Variants in RAB1A observed in about 807,000 individuals in gnomAD.
RAB1A encodes the protein RAB1A, member RAS oncogene family.
Under a neutral mutation model 26.0 loss-of-function variants are expected in RAB1A, and 2 were observed. The ratio of observed to expected loss-of-function variants is 0.08; its 90% CI spans 0.03 to 0.24. RAB1A has a LOEUF of 0.24. Among genes scored for constraint, RAB1A ranks in the 10% least tolerant of loss-of-function variants. The pLI, the probability that RAB1A is intolerant of heterozygous loss-of-function variation, is 1.00. For synonymous variants in RAB1A, 84 were observed against 84.9 expected, an observed-to-expected ratio of 0.99 and a Z score of 0.06; for missense variants, 100 against 247.0, an observed-to-expected ratio of 0.40 and a Z score of 3.99.
chr2:65,087,740 G>A lies in RAB1A; in HGVS notation c.*753C>T, dbSNP rs1669068518. On this transcript the variant is annotated 3_prime_UTR_variant, in exon 6 of 6. Coordinates refer to ENST00000409784, the MANE Select transcript of RAB1A (RefSeq NM_004161.5). Reference sequence around the variant, plus strand: ...CATATTATCTAGAAAGCAAATACTGGATGCTGCTCTAAGATAGGTCTAGAA... The same window carrying A: ...CATATTATCTAGAAAGCAAATACTGAATGCTGCTCTAAGATAGGTCTAGAA... The A allele has an allele frequency of 6.6e-6, 1 of 152,630 alleles. No homozygotes were observed. Among genetic ancestry groups the A allele is most frequent in the African/African-American group, 2.4e-5 (1 of 41,430 alleles). The allele number at this position is 152,630 out of a possible 1,614,324, so 9.5% of individuals were successfully genotyped here. A position where few individuals can be genotyped will look rare whatever the true frequency, so the allele number is the denominator to read the frequency against.
intron 1 of RAB1A, among the ~76,000 whole-genome samples, chr2:65,123,774 C>G (rs923386174): frequency 6.6e-6 from 1 of 151,328 alleles, no homozygotes; most frequent in Non-Finnish European, 1.5e-5. Context: ...TGCAGTGAGC[C>G]GAGATCACGC....
intron 3 of RAB1A, among the ~76,000 whole-genome samples, chr2:65,093,849 C>T (rs1669224997): frequency 6.6e-6 from 1 of 152,030 alleles, no homozygotes; most frequent in Non-Finnish European, 1.5e-5. Context: ...GTCACGAACT[C>T]CTGACCTTGT....
intron 2 of RAB1A, 58 bp from the exon 3 acceptor site, chr2:65,098,124 T>G: frequency 1.0e-6 from 1 of 1,000,878 alleles, no homozygotes; most frequent in Non-Finnish European, 1.4e-6. Context: ...GATGCAAGTC[T>G]AAGTGGAAAA....
At chr2:65,117,905 G>A (rs1669862523) in intron 1 of RAB1A, among the ~76,000 whole-genome samples, 1 of 152,162 alleles carries the variant, frequency 6.6e-6, no homozygotes, top group African/African-American at 2.4e-5. Context: ...AGCACATGTA[G>A]TAAAGCAGAA....
chr2:65,097,992 C>G lies in RAB1A; in HGVS notation c.171G>C (p.Gly57=). 6.4e-7 allele frequency: 1 copy of G among 1,570,452 alleles called. No homozygotes were observed. Among genetic ancestry groups the G allele is most frequent in the South Asian group, 1.2e-5 (1 of 85,034 alleles). Residue 57 remains glycine, a synonymous_variant, in exon 3 of 6, where the codon GGG becomes GGC. Coordinates refer to ENST00000409784, the MANE Select transcript of RAB1A (RefSeq NM_004161.5). The part of the protein sequence containing the change: ...DFKIRTIELD[G]KTIKLQIWDT... ...TTACTATTTGAAGCTTGATTGTTTT[C>G]CCGTCTAACTCTATAGTTCTTATTT...
chr2:65,096,893 C>A (rs181538737), intron 3 of RAB1A, among the ~76,000 whole-genome samples: 3 of 152,330 alleles, frequency 2.0e-5, no homozygotes, highest in African/African-American at 7.2e-5. Flanking sequence ...AGGGCTTTCA[C>A]ACGTATTGTC....
chr2:65,098,142 CT>C, intron 2 of RAB1A, 76 bp from the exon 3 acceptor site: 1 of 796,246 alleles, frequency 1.3e-6, no homozygotes, highest in Non-Finnish European at 1.9e-6. Context: ...AAAAAAAAAA[CT>C]GTTGTTCAAG....
chr2:65,112,613 ATATTT>A (rs1669725917), intron 1 of RAB1A, among the ~76,000 whole-genome samples: 3 of 152,154 alleles, frequency 2.0e-5, no homozygotes, highest in East Asian at 1.9e-4. Context: ...CTACGAGCAG[ATATTT>A]TATTTTAATT....
chr2:65,093,996 G>T (rs1481455156), intron 3 of RAB1A, among the ~76,000 whole-genome samples: 2 of 150,746 alleles, frequency 1.3e-5, no homozygotes, highest in Non-Finnish European at 3.0e-5. Flanking sequence ...TTGAAACAAG[G>T]TCTCGCTCTG....
intron 2 of RAB1A, among the ~76,000 whole-genome samples, chr2:65,101,829 A>C (rs1188117529): frequency 1.4e-5 from 2 of 142,328 alleles, no homozygotes; most frequent in Non-Finnish European, 3.0e-5. Flanking sequence ...GACTCACCAC[A>C]ACCTCCGCCT....
Position 65,088,254 on chromosome 2 carries a change from A to G in RAB1A, c.*239T>C. 1 of 432,146 alleles carries G rather than the reference A, an allele frequency of 2.3e-6. No individual in the cohort carries two copies. Among genetic ancestry groups the G allele is most frequent in the Non-Finnish European group, 4.1e-6 (1 of 245,014 alleles). 26.8% of individuals were successfully genotyped at this position (432,146 alleles called of 1,614,324 possible). On this transcript the variant is annotated 3_prime_UTR_variant, in exon 6 of 6. Transcript: ENST00000409784. Reference sequence around the variant, plus strand: ...ATCAGGAAAGCAACAAGGATTACACACATTATTTTATAAACCAGCACACAA... The same window carrying G: ...ATCAGGAAAGCAACAAGGATTACACGCATTATTTTATAAACCAGCACACAA...
At chr2:65,124,526 C>G (rs1328924911) in intron 1 of RAB1A, among the ~76,000 whole-genome samples, 1 of 152,204 alleles carries the variant, frequency 6.6e-6, no homozygotes, top group East Asian at 1.9e-4. Context: ...CAGCTCACTG[C>G]AATGCCCACC....
intron 3 of RAB1A, among the ~76,000 whole-genome samples, chr2:65,091,684 C>CT (rs1364693400): frequency 2.6e-5 from 4 of 152,106 alleles, no homozygotes; most frequent in Non-Finnish European, 4.4e-5. Flanking sequence ...TGCCACCACA[C>CT]CCGGCTAATT....
chr2:65,102,858 G>T (rs547903170), intron 2 of RAB1A, among the ~76,000 whole-genome samples: 2 of 151,856 alleles, frequency 1.3e-5, no homozygotes, highest in South Asian at 4.2e-4. Flanking sequence ...CCCGAGAAGC[G>T]GAGGTTGCAG....
intron 4 of RAB1A, among the ~76,000 whole-genome samples, chr2:65,089,899 T>C (rs1669131088): frequency 6.6e-6 from 1 of 152,128 alleles, no homozygotes; most frequent in African/African-American, 2.4e-5. Flanking sequence ...GATGGGATTT[T>C]GCCATGTTGG....
rs1348027778 is a variant in RAB1A at position 65,088,665 on chromosome 2, G to A, written c.446C>T (p.Pro149Leu). Reference sequence around the variant, plus strand: ...ATTCTTAGCACTGGTTTCCAAAAACGGAATTCCAAGGGAATCAGCAAATTC... The same window carrying A: ...ATTCTTAGCACTGGTTTCCAAAAACAGAATTCCAAGGGAATCAGCAAATTC... ...AKEFADSLGI[P>L]FLETSAKNAT... The change falls in exon 6 of 6, where the codon CCG becomes CTG. Residue 149 changes from proline (P) to leucine (L), a missense_variant. Pro to Leu is a moderately conservative substitution (Grantham distance 98). Transcript: ENST00000409784. The A allele has an allele frequency of 3.7e-6, 6 of 1,608,564 alleles. No homozygotes were observed. Among genetic ancestry groups the A allele is most frequent in the East Asian group, 4.5e-5 (2 of 44,850 alleles).
chr2:65,108,835 A>C (rs1669625107), intron 1 of RAB1A, among the ~76,000 whole-genome samples: 1 of 152,210 alleles, frequency 6.6e-6, no homozygotes, highest in Non-Finnish European at 1.5e-5. Context: ...ATTATTTATG[A>C]GTTTCTAATA....
At chr2:65,129,802 GC>G in intron 1 of RAB1A, 90 bp downstream of exon 1, 2 of 1,537,602 alleles carry the variant, frequency 1.3e-6, no homozygotes, top group Non-Finnish European at 1.8e-6. Flanking sequence ...CCCAGCCGAT[GC>G]CCCGACTTCT....
intron 1 of RAB1A, among the ~76,000 whole-genome samples, chr2:65,108,234 C>T (rs1329796815): frequency 2.6e-5 from 4 of 151,154 alleles, no homozygotes; most frequent in Middle Eastern, 3.4e-3. Context: ...TGGTGGCAGG[C>T]GCCTGTAATC....
Sources: gnomAD v4.1 joint callset for allele counts (sites outside exome capture counted in the v4.1 genomes callset) on GRCh38, gnomAD v4.1.1 for gene constraint, MANE v1.5 for transcripts, NCBI Gene and HGNC (gene_info 2026-07-23, HGNC 2026-07-21) for gene names.